The following PHLDB2 variants were observed in gnomAD, a reference collection of about 807,000 sequenced individuals.
PHLDB2 encodes pleckstrin homology like domain family B member 2, also known as pleckstrin homology-like domain family B member 2.
PHLDB2 carries 71 observed loss-of-function variants against 123.6 expected under a neutral mutation model. That is an observed-to-expected ratio of 0.57 (90% CI 0.47 to 0.70). PHLDB2 has a LOEUF of 0.70. Ranked by LOEUF, PHLDB2 falls within the 30% of genes least tolerant of loss-of-function variation. The probability of loss-of-function intolerance (pLI) is 0.00; values close to 1 mark genes in which losing one functional copy is unlikely to be tolerated. For missense variants in PHLDB2, 1,446 were observed against 1,519.5 expected (o/e 0.95, Z 0.80); for synonymous variants, 547 against 541.6 (o/e 1.01, Z -0.14).
chr3:111,973,436 T>C (rs947781834), intron 16 of PHLDB2, among the ~76,000 whole-genome samples: 1 of 152,228 alleles, frequency 6.6e-6, no homozygotes, highest in Non-Finnish European at 1.5e-5. Context: ...GTTTACACTT[T>C]CCATGCTAAC....
At chr3:111,888,968 A>T (rs1208447814) in intron 2 of PHLDB2, among the ~76,000 whole-genome samples, 1 of 152,230 alleles carries the variant, frequency 6.6e-6, no homozygotes, top group Non-Finnish European at 1.5e-5. Flanking sequence ...AGACACTAAG[A>T]CAAAAATACT....
intron 1 of PHLDB2, among the ~76,000 whole-genome samples, chr3:111,806,137 T>G (rs1030353901): frequency 2.0e-5 from 3 of 152,196 alleles, no homozygotes; most frequent in African/African-American, 7.2e-5. Context: ...CATCTTCTAG[T>G]GCAAGTCCCA....
At chr3:111,775,997 T>C (rs9818574) in intron 1 of PHLDB2, among the ~76,000 whole-genome samples, 56,441 of 152,106 alleles carry the variant, frequency 0.37, 12,842 homozygotes, top group Middle Eastern at 0.54. Flanking sequence ...TTCAGAGATA[T>C]TGACCTCCTC....
chr3:111,747,912 G>A (rs1228548694), intron 1 of PHLDB2, among the ~76,000 whole-genome samples: 1 of 152,196 alleles, frequency 6.6e-6, no homozygotes, highest in African/African-American at 2.4e-5. Context: ...CTTGTGAGGT[G>A]TGGCAGCCCC....
intron 1 of PHLDB2, among the ~76,000 whole-genome samples, chr3:111,839,935 C>T (rs1167559693): frequency 7.5e-6 from 1 of 134,128 alleles, no homozygotes; most frequent in Non-Finnish European, 1.5e-5. Context: ...AGCCCCCCAC[C>T]CCCGCTTTTT....
At chr3:111,771,978 G>C (rs1429927456) in intron 1 of PHLDB2, among the ~76,000 whole-genome samples, 1 of 151,828 alleles carries the variant, frequency 6.6e-6, no homozygotes, top group Admixed American at 6.6e-5. Flanking sequence ...TTTTTATAAA[G>C]TTCAATTTTT....
At chr3:111,796,119 G>A (rs988653707) in intron 1 of PHLDB2, among the ~76,000 whole-genome samples, 6 of 152,088 alleles carry the variant, frequency 3.9e-5, no homozygotes, top group East Asian at 3.9e-4. Context: ...GCCTGGTCTC[G>A]AACTCCTGAC....
At chr3:111,853,483 A>G (rs562722948) in intron 2 of PHLDB2, among the ~76,000 whole-genome samples, 16 of 152,306 alleles carry the variant, frequency 1.1e-4, no homozygotes, top group African/African-American at 3.8e-4. Context: ...ATAGTTCCAG[A>G]AAGGCAAACG....
chr3:111,778,262 T>C (rs2108073747), intron 1 of PHLDB2: 1 of 151,996 alleles, frequency 6.6e-6, no homozygotes, highest in Non-Finnish European at 1.5e-5. Flanking sequence ...TATGTCCTTA[T>C]CATAGGGAAA....
In PHLDB2 at chr3:111,757,307, T is replaced by G. The variant is rs111307088; in HGVS notation, c.-49+24604T>G. Reference sequence around the variant, plus strand: ...ACACCAATCAGATGTAGATTTGGTCTTTTCACATAGTCTCATATTTCTGGG... The same window carrying G: ...ACACCAATCAGATGTAGATTTGGTCGTTTCACATAGTCTCATATTTCTGGG... On this transcript the variant is annotated intron_variant, in intron 1 of 17. Coordinates refer to the PHLDB2 transcript ENST00000393923. 9.7e-3 allele frequency among the ~76,000 whole-genome samples: 1,476 copies of G among 152,324 alleles called. 17 individuals carry two copies. Among genetic ancestry groups the G allele is most frequent in the African/African-American group, 0.033 (1,354 of 41,568 alleles).
chr3:111,910,982 A>G (rs915878840), intron 2 of PHLDB2, among the ~76,000 whole-genome samples: 1 of 152,254 alleles, frequency 6.6e-6, no homozygotes, highest in African/African-American at 2.4e-5. Context: ...AGAGAGAAAC[A>G]CATACCAGTA....
chr3:111,758,385 T>A (rs1032849215), intron 1 of PHLDB2, among the ~76,000 whole-genome samples: 1 of 152,202 alleles, frequency 6.6e-6, no homozygotes, highest in Admixed American at 6.5e-5. Flanking sequence ...AGCAAGACTC[T>A]GTGGGCATAG....
chr3:111,944,951 CG>C (rs1239438228), intron 8 of PHLDB2, among the ~76,000 whole-genome samples: 1 of 152,054 alleles, frequency 6.6e-6, no homozygotes, highest in African/African-American at 2.4e-5. Flanking sequence ...GGATTACAGG[CG>C]TGAGCCATCA....
At chr3:111,798,838 G>C (rs1019739946) in intron 1 of PHLDB2, among the ~76,000 whole-genome samples, 27 of 152,010 alleles carry the variant, frequency 1.8e-4, no homozygotes, top group African/African-American at 6.5e-4. Context: ...CTCATATGAG[G>C]GCCAGGAAGG....
At chr3:111,885,786 T>A in intron 2 of PHLDB2, 2 of 587,050 alleles carry the variant, frequency 3.4e-6, no homozygotes, top group Non-Finnish European at 6.0e-6. Flanking sequence ...AATTTGCTTG[T>A]GTATGGTTAT....
intron 1 of PHLDB2, among the ~76,000 whole-genome samples, chr3:111,813,093 A>T (rs1442379939): frequency 6.6e-6 from 1 of 152,204 alleles, no homozygotes; most frequent in Non-Finnish European, 1.5e-5. Flanking sequence ...AGCATGTTTA[A>T]CTTAAAAGAC....
intron 13 of PHLDB2, among the ~76,000 whole-genome samples, chr3:111,965,342 C>T (rs181741372): frequency 7.9e-5 from 12 of 152,268 alleles, no homozygotes; most frequent in Admixed American, 6.5e-4. Flanking sequence ...ACAGTTCACT[C>T]CTTAATGGAT....
At position 111,919,152 on chromosome 3, in the gene PHLDB2, C is replaced by T; in HGVS notation, c.1800C>T (p.Asn600=). The T allele has an allele frequency of 6.2e-7, 1 of 1,613,980 alleles. No individual in the cohort carries two copies. The highest frequency in any genetic ancestry group is 8.5e-7 in the Non-Finnish European group (1 of 1,179,848). ...MEETRIVILN[N]LEELKQKIKD... ...AAACCCGGATAGTCATTCTGAACAACCTCGAGGAACTTAAGCAAAAAATCA... is the reference window on the plus strand; with the variant it reads ...AAACCCGGATAGTCATTCTGAACAATCTCGAGGAACTTAAGCAAAAAATCA... Residue 600 remains asparagine (N), a synonymous_variant, in exon 4 of 18, where the codon AAC becomes AAT. Transcript: ENST00000431670.
intron 1 of PHLDB2, among the ~76,000 whole-genome samples, chr3:111,824,688 C>A (rs1016651164): frequency 1.3e-5 from 2 of 152,212 alleles, no homozygotes; most frequent in Non-Finnish European, 2.9e-5. Flanking sequence ...TGAAAAGCAT[C>A]TGAGTCCATG....
Sources: allele counts gnomAD v4.1 joint callset (sites outside exome capture counted in the v4.1 genomes callset), GRCh38; gene constraint gnomAD v4.1.1; transcripts MANE v1.5; gene names NCBI Gene and HGNC (gene_info 2026-07-23, HGNC 2026-07-21).